SNX29: variants seen among roughly 807,000 people sequenced by gnomAD.
SNX29 encodes sorting nexin 29.
SNX29 carries 78 observed loss-of-function variants against 102.1 expected under a neutral mutation model. That is an observed-to-expected ratio of 0.76 (90% CI 0.64 to 0.92). SNX29 has a LOEUF of 0.92. Ranked by LOEUF, SNX29 falls within the 40% of genes least tolerant of loss-of-function variation. The probability of loss-of-function intolerance (pLI) is 0.00; values close to 1 mark genes in which losing one functional copy is unlikely to be tolerated. For missense variants in SNX29, 1,280 were observed against 1,061.7 expected (o/e 1.21, Z -2.86); for synonymous variants, 580 against 414.5 (o/e 1.40, Z -4.85).
chr16:12,562,494 C>G (rs75611263), intron 20 of SNX29, among the ~76,000 whole-genome samples: 1 of 152,182 alleles, frequency 6.6e-6, no homozygotes, highest in African/African-American at 2.4e-5. Flanking sequence ...TAGAAAGGAG[C>G]ATCGTGAGCA....
intron 3 of SNX29, among the ~76,000 whole-genome samples, chr16:12,025,559 G>C (rs2057167270): frequency 1.3e-5 from 2 of 152,176 alleles, no homozygotes; most frequent in South Asian, 4.1e-4. Context: ...AAACCAAGCA[G>C]TATGGTTGAG....
At chr16:12,556,792 T>G (rs2078379790) in intron 20 of SNX29, among the ~76,000 whole-genome samples, 1 of 152,128 alleles carries the variant, frequency 6.6e-6, no homozygotes, top group South Asian at 2.1e-4. Flanking sequence ...GAGTCAACAG[T>G]TGCCCCCTTT....
At chr16:12,346,943 C>T (rs1332694853) in intron 15 of SNX29, among the ~76,000 whole-genome samples, 2 of 152,174 alleles carry the variant, frequency 1.3e-5, no homozygotes, top group African/African-American at 4.8e-5. Flanking sequence ...GGCCTGAGAC[C>T]TGGCAGCCCC....
chr16:12,266,287 A>G (rs962783966), intron 14 of SNX29, among the ~76,000 whole-genome samples: 9 of 152,076 alleles, frequency 5.9e-5, no homozygotes, highest in African/African-American at 1.9e-4. Context: ...CGCCACACGT[A>G]TGGGGGTTTC....
At chr16:12,075,997 G>A (rs930887892) in intron 10 of SNX29, among the ~76,000 whole-genome samples, 56 of 152,326 alleles carry the variant, frequency 3.7e-4, no homozygotes, top group African/African-American at 1.2e-3. Context: ...CTCCTCACGC[G>A]CTGTTTCCTA....
intron 18 of SNX29, among the ~76,000 whole-genome samples, chr16:12,454,044 C>G (rs1295102453): frequency 6.6e-6 from 1 of 152,122 alleles, no homozygotes; most frequent in Non-Finnish European, 1.5e-5. Context: ...GCTTCCCTTG[C>G]AGCTACATAT....
rs116956637 is a variant in SNX29, at chr16:12,464,895, G to A, written c.2038-12824G>A. 8.3e-4 allele frequency among the ~76,000 whole-genome samples: 126 copies of A among 152,158 alleles called. 1 individual carries two copies. The East Asian group carries it at 0.011, about 13-fold the overall frequency. ...TAGCGTACAAGAGTTTCCTTTTCTC[G>A]ATACCCTCACCAACACTTGTCTCTT... On this transcript the variant is annotated intron_variant, in intron 18 of 20. Transcript: ENST00000566228.
chr16:12,277,188 G>A (rs1427075030), intron 14 of SNX29, among the ~76,000 whole-genome samples: 1 of 152,068 alleles, frequency 6.6e-6, no homozygotes, highest in Non-Finnish European at 1.5e-5. Context: ...AGGAGTTTGA[G>A]ACTAGCCTGG....
intron 1 of SNX29, among the ~76,000 whole-genome samples, chr16:11,991,520 A>G (rs1440644772): frequency 1.3e-5 from 2 of 151,796 alleles, no homozygotes; most frequent in Non-Finnish European, 2.9e-5. Flanking sequence ...AAATATATGT[A>G]AATTTATTTA....
intron 15 of SNX29, among the ~76,000 whole-genome samples, chr16:12,330,500 G>A (rs1188255642): frequency 2.0e-5 from 3 of 152,174 alleles, no homozygotes; most frequent in Admixed American, 2.0e-4. Context: ...GCATCTGTGA[G>A]CCACGCTTTC....
At chr16:12,078,745 G>A in intron 10 of SNX29, 88 bp from the exon 11 acceptor site, 1 of 1,143,290 alleles carries the variant, frequency 8.7e-7, no homozygotes, top group South Asian at 1.3e-5. Flanking sequence ...AGGTACCGGA[G>A]TAAACCGACC....
At chr16:12,419,094 C>T (rs759191618) in intron 18 of SNX29, among the ~76,000 whole-genome samples, 1 of 152,090 alleles carries the variant, frequency 6.6e-6, no homozygotes, top group African/African-American at 2.4e-5. Context: ...ATGTCTACAG[C>T]GCCACCGTTG....
intron 18 of SNX29, among the ~76,000 whole-genome samples, chr16:12,403,855 G>A (rs2084058830): frequency 6.6e-6 from 1 of 152,184 alleles, no homozygotes; most frequent in African/African-American, 2.4e-5. Flanking sequence ...CGGGCCTTGG[G>A]CATGGCTGGA....
intron 20 of SNX29, among the ~76,000 whole-genome samples, chr16:12,561,915 T>C (rs1011929477): frequency 3.9e-5 from 6 of 152,128 alleles, no homozygotes; most frequent in Non-Finnish European, 7.4e-5. Flanking sequence ...CCTTCTCCAG[T>C]TGCCTTCCAG....
chr16:12,510,403 G>A (rs1037456754), intron 19 of SNX29, among the ~76,000 whole-genome samples: 4 of 152,184 alleles, frequency 2.6e-5, no homozygotes, highest in Admixed American at 2.6e-4. Flanking sequence ...GCTGGGTGTG[G>A]TGGCTTAGGC....
intron 20 of SNX29, chr16:12,527,028 G>C (rs577489545): frequency 8.2e-5 from 33 of 401,420 alleles, no homozygotes; most frequent in Non-Finnish European, 1.4e-4. Context: ...TGTGGCAAAT[G>C]ACACAGTGTT....
intron 18 of SNX29, among the ~76,000 whole-genome samples, chr16:12,455,604 C>T (rs2086502237): frequency 1.3e-5 from 2 of 152,232 alleles, no homozygotes; most frequent in African/African-American, 4.8e-5. Flanking sequence ...TTTCTGACTT[C>T]CCAGTTTTCG....
At chr16:12,267,794 C>T (rs2078972188) in intron 14 of SNX29, among the ~76,000 whole-genome samples, 1 of 152,168 alleles carries the variant, frequency 6.6e-6, no homozygotes, top group Admixed American at 6.5e-5. Flanking sequence ...ACTGCATATA[C>T]CCTGTGGAGT....
chr16:12,167,729 T>A (rs2076050164), intron 13 of SNX29, among the ~76,000 whole-genome samples: 1 of 152,202 alleles, frequency 6.6e-6, no homozygotes, highest in Non-Finnish European at 1.5e-5. Context: ...CATCACTTGT[T>A]GAAGGTAACA....
Sources: allele counts gnomAD v4.1 joint callset (sites outside exome capture counted in the v4.1 genomes callset), GRCh38; gene constraint gnomAD v4.1.1; transcripts MANE v1.5; gene names NCBI Gene and HGNC (gene_info 2026-07-23, HGNC 2026-07-21).